APAF1: variants seen among roughly 807,000 people sequenced by gnomAD.
The protein encoded by APAF1 is apoptotic protease-activating factor 1.
A neutral mutation model predicts 152.4 loss-of-function variants in APAF1; 91 were observed. The ratio of observed to expected loss-of-function variants is 0.60; its 90% CI spans 0.50 to 0.71. APAF1 has a LOEUF of 0.71. APAF1 is among the 30% of genes least tolerant of loss of function. The pLI is 0.00. For synonymous variants in APAF1, 484 were observed against 494.1 expected (o/e 0.98, Z 0.27); for missense variants, 1,283 against 1,472.0 (o/e 0.87, Z 2.10).
intron 20 of APAF1, among the ~76,000 whole-genome samples, chr12:98,710,967 T>A (rs563354847): frequency 6.6e-6 from 1 of 152,244 alleles, no homozygotes; most frequent in South Asian, 2.1e-4. Flanking sequence ...TGGGAGTAAA[T>A]CGCCTGGTAT....
At chr12:98,727,354 C>T in intron 26 of APAF1, 38 bp downstream of exon 26, 1 of 1,606,530 alleles carries the variant, frequency 6.2e-7, no homozygotes, top group South Asian at 1.1e-5. Context: ...AAAATAATAG[C>T]CTATATCATA....
In APAF1 at chr12:98,735,045, T is replaced by C; in HGVS notation, c.*2479T>C. The C allele has an allele frequency of 2.5e-6, 1 of 392,984 alleles. No individual in the cohort carries two copies. The highest frequency in any genetic ancestry group is 4.5e-6 in the Non-Finnish European group (1 of 223,094). The allele number at this position is 392,984 out of a possible 1,614,324, so 24.3% of individuals were successfully genotyped here. ...GGAGGATTCCTTGAGCCCTGGAGTTTGAGTCCAGCCTGGGTGACATAGCAA... is the reference window on the plus strand; with the variant it reads ...GGAGGATTCCTTGAGCCCTGGAGTTCGAGTCCAGCCTGGGTGACATAGCAA... On this transcript the variant is annotated 3_prime_UTR_variant, in exon 27 of 27. Transcript: ENST00000551964.
chr12:98,665,723 A>C lies in APAF1; in HGVS notation c.1126A>C (p.Arg376=). The change falls in exon 8 of 27, where the codon AGA becomes CGA. Residue 376 remains arginine (R), a synonymous_variant. Transcript: ENST00000551964. The part of the protein sequence containing the change: ...EAMSISVEML[R]EDIKDYYTDL... ...CATGTCTATAAGTGTTGAAATGCTC[A>C]GAGAAGACATCAAAGATTATTACAC... 6.2e-7 allele frequency: 1 copy of C among 1,614,148 alleles called. No individual in the cohort carries two copies. Among genetic ancestry groups the C allele is most frequent in the South Asian group, 1.1e-5 (1 of 91,082 alleles).
chr12:98,646,035 A>G (rs1160724039), intron 1 of APAF1, among the ~76,000 whole-genome samples, 200 bp downstream of exon 1: 1 of 152,222 alleles, frequency 6.6e-6, no homozygotes, highest in African/African-American at 2.4e-5. Flanking sequence ...TTTTACGTCC[A>G]TGAAGAGTTT....
At chr12:98,672,215 A>C (rs1322642710) in intron 12 of APAF1, among the ~76,000 whole-genome samples, 1 of 152,036 alleles carries the variant, frequency 6.6e-6, no homozygotes, top group African/African-American at 2.4e-5. Context: ...CCAAGGCTGG[A>C]GTGCAGTGGT....
intron 21 of APAF1, among the ~76,000 whole-genome samples, chr12:98,714,135 C>A (rs2097731294): frequency 6.6e-6 from 1 of 152,110 alleles, no homozygotes; most frequent in Non-Finnish European, 1.5e-5. Context: ...CTTAAAGAGT[C>A]CTTGGTTTCC....
chr12:98,653,080 A>G (rs1200194811), intron 4 of APAF1, among the ~76,000 whole-genome samples: 1 of 150,762 alleles, frequency 6.6e-6, no homozygotes, highest in African/African-American at 2.4e-5. Context: ...AAGTAGTCCT[A>G]TTACAGTCTT....
intron 19 of APAF1, among the ~76,000 whole-genome samples, chr12:98,706,824 G>A (rs2153337614): frequency 6.6e-6 from 1 of 152,256 alleles, no homozygotes; most frequent in Non-Finnish European, 1.5e-5. Flanking sequence ...AAGTGCTGTG[G>A]GAACTTCAGT....
At chr12:98,689,139 A>T (rs2097701291) in intron 16 of APAF1, among the ~76,000 whole-genome samples, 1 of 152,108 alleles carries the variant, frequency 6.6e-6, no homozygotes, top group South Asian at 2.1e-4. Context: ...AACATAAATT[A>T]TGCCATAGTA....
At chr12:98,698,218 A>G (rs1049899598) in intron 16 of APAF1, among the ~76,000 whole-genome samples, 5 of 152,146 alleles carry the variant, frequency 3.3e-5, no homozygotes, top group African/African-American at 1.2e-4. Context: ...TTTTAAATTG[A>G]AAACAAAACA....
rs139060875 is a variant in APAF1 at position 98,687,010 on chromosome 12, G to T, written c.2304+137G>T. On this transcript the variant is annotated intron_variant, in intron 16 of 26. Transcript: ENST00000551964. ...TTCAATTTCCAGGAGCATATTTAAT[G>T]TAACTGTAATTGCTTATCGTAATGA... The T allele has an allele frequency of 9.6e-5, 83 of 863,792 alleles. 1 individual carries two copies. Among genetic ancestry groups the T allele is most frequent in the Admixed American group, 5.3e-4 (22 of 41,528 alleles). The allele number at this position is 863,792 out of a possible 1,614,324, so 53.5% of individuals were successfully genotyped here.
chr12:98,677,369 ATAGT>A, intron 12 of APAF1, 52 bp from the exon 13 acceptor site: 12 of 1,573,656 alleles, frequency 7.6e-6, no homozygotes, highest in Non-Finnish European at 1.0e-5. Flanking sequence ...CTGAAAGAAA[ATAGT>A]TACTTTTACT....
At chr12:98,692,209 A>C (rs548593082) in intron 16 of APAF1, among the ~76,000 whole-genome samples, 2 of 151,888 alleles carry the variant, frequency 1.3e-5, no homozygotes, top group Non-Finnish European at 2.9e-5. Flanking sequence ...CAGCCTCCCT[A>C]GTAGCTGGGA....
At chr12:98,672,123 C>T (rs933425391) in intron 12 of APAF1, among the ~76,000 whole-genome samples, 1 of 151,718 alleles carries the variant, frequency 6.6e-6, no homozygotes, top group African/African-American at 2.4e-5. Flanking sequence ...AGATAACAAT[C>T]CTTTGAAATA....
chr12:98,660,337 C>A (rs1262260915), intron 5 of APAF1, among the ~76,000 whole-genome samples: 1 of 151,578 alleles, frequency 6.6e-6, no homozygotes, highest in Non-Finnish European at 1.5e-5. Context: ...CAGAGGAAGA[C>A]CCTGTTTCAA....
chr12:98,649,468 G>T lies in APAF1; in HGVS notation c.329-19G>T, dbSNP rs1205582786. On this transcript the variant is annotated intron_variant, in intron 3 of 26. Coordinates refer to ENST00000551964, the MANE Select transcript of APAF1 (RefSeq NM_181861.2). ...TCCAAAGTTCTATTCATTCATGCTTGTTTTGTTTTGGATTTTAGTAAGGAC... is the reference window on the plus strand; with the variant it reads ...TCCAAAGTTCTATTCATTCATGCTTTTTTTGTTTTGGATTTTAGTAAGGAC... The T allele has an allele frequency of 6.2e-7, 1 of 1,612,606 alleles. No homozygotes were observed. Among genetic ancestry groups the T allele is most frequent in the Admixed American group, 1.7e-5 (1 of 60,026 alleles).
intron 4 of APAF1, among the ~76,000 whole-genome samples, chr12:98,651,664 T>A (rs537715225): frequency 2.8e-3 from 415 of 147,346 alleles, no homozygotes; most frequent in Admixed American, 4.6e-3. Context: ...TTATTTATTT[T>A]TGTTTTTTTT....
chr12:98,706,329 ATCT>A (rs1218609424), intron 18 of APAF1, among the ~76,000 whole-genome samples, 153 bp from the exon 19 acceptor site: 1 of 152,206 alleles, frequency 6.6e-6, no homozygotes, highest in African/African-American at 2.4e-5. Flanking sequence ...GCACTAAATA[ATCT>A]TCTGCATAAG....
At chr12:98,706,366 G>T in intron 18 of APAF1, 119 bp from the exon 19 acceptor site, 2 of 994,068 alleles carry the variant, frequency 2.0e-6, no homozygotes, top group Non-Finnish European at 3.2e-6. Context: ...TTGATAGTGT[G>T]TTTCTGAGCA....
Sources: allele counts gnomAD v4.1 joint callset (sites outside exome capture counted in the v4.1 genomes callset), GRCh38; gene constraint gnomAD v4.1.1; transcripts MANE v1.5; gene names NCBI Gene and HGNC (gene_info 2026-07-23, HGNC 2026-07-21).